The following SYTL4 variants were observed in gnomAD, a reference collection of about 807,000 sequenced individuals.
SYTL4 encodes synaptotagmin-like protein 4.
SYTL4 carries 16 observed loss-of-function variants against 52.7 expected under a neutral mutation model. That is an observed-to-expected ratio of 0.30 (90% confidence interval 0.21 to 0.46). The LOEUF is 0.46. Among genes scored for constraint, SYTL4 ranks in the 20% least tolerant of loss-of-function variants. SYTL4 has a pLI of 1.00. For missense variants in SYTL4, 423 were observed against 519.9 expected (o/e 0.81, Z 1.81); for synonymous variants, 160 against 186.6 (o/e 0.86, Z 1.16).
At chrX:100,726,519 T>A (rs939454957) in intron 2 of SYTL4, among the ~76,000 whole-genome samples, 2 of 109,516 alleles carry the variant, frequency 1.8e-5, no homozygotes, top group Non-Finnish European at 3.8e-5. Flanking sequence ...TGGTGAATCC[T>A]CTTGTTTCAA....
intron 17 of SYTL4, among the ~76,000 whole-genome samples, chrX:100,680,627 CT>C (rs758945410): frequency 1.8e-5 from 2 of 111,477 alleles, no homozygotes; most frequent in East Asian, 5.7e-4. Flanking sequence ...GTTATCCCCT[CT>C]TCTGAAAATG....
intron 17 of SYTL4, among the ~76,000 whole-genome samples, chrX:100,680,419 G>A (rs1164730791): frequency 9.0e-6 from 1 of 110,522 alleles, no homozygotes; most frequent in Non-Finnish European, 1.9e-5. Context: ...TTCAAAGAAC[G>A]TAGGCCACAC....
Position 100,690,630 on chromosome X carries a change from G to C in SYTL4, c.650C>G (p.Ser217Cys). Residue 217 changes from serine to cysteine, a missense_variant, in exon 10 of 20, where the codon TCT becomes TGT. Transcript: ENST00000372989. The part of the protein sequence containing the change: ...ADSDSTSRRD[S>C]LDKSGLFPEW... ...TGGAAAGAGGCCAGATTTATCCAGA[G>C]AGTCTCTCCTGGAGGTAGATTCAGA... 1 of 1,195,854 alleles carries C rather than the reference G, an allele frequency of 8.4e-7. No individual in the cohort carries two copies. Among genetic ancestry groups the C allele is most frequent in the South Asian group, 1.8e-5 (1 of 56,104 alleles).
In SYTL4 at chrX:100,687,223, C is replaced by T. The variant is rs1404154527; in HGVS notation, c.1028G>A (p.Ser343Asn). The T allele has an allele frequency of 1.7e-6, 2 of 1,211,212 alleles. No homozygotes were observed. Among genetic ancestry groups the T allele is most frequent in the Non-Finnish European group, 2.2e-6 (2 of 895,176 alleles). Reference sequence around the variant, plus strand: ...GAAATCACCAGCTTCACTGTAGATGCTCATCATGCTGCCGATCGTACTCTG... The same window carrying T: ...GAAATCACCAGCTTCACTGTAGATGTTCATCATGCTGCCGATCGTACTCTG... ...SSMSTIGSMM[S>N]IYSEAGDFGN... Residue 343 changes from serine (S) to asparagine (N), a missense_variant, in exon 14 of 20, where the codon AGC (serine) becomes AAC (asparagine). Ser to Asn is a conservative substitution (Grantham distance 46, BLOSUM62 1). Coordinates refer to ENST00000372989, the MANE Select transcript of SYTL4 (RefSeq NM_001370165.1).
chrX:100,698,567 A>G (rs1341184581), intron 8 of SYTL4, among the ~76,000 whole-genome samples: 2 of 112,304 alleles, frequency 1.8e-5, no homozygotes, highest in Non-Finnish European at 3.8e-5. Context: ...GAAGAAGACA[A>G]TGGAACAATG....
intron 2 of SYTL4, among the ~76,000 whole-genome samples, chrX:100,716,746 G>A (rs748348018): frequency 3.6e-5 from 4 of 110,110 alleles, no homozygotes; most frequent in Non-Finnish European, 7.6e-5. Flanking sequence ...ATATTGTGTT[G>A]GTTATTGTAT....
At chrX:100,705,534 C>T (rs1273593926) in intron 2 of SYTL4, among the ~76,000 whole-genome samples, 2 of 111,087 alleles carry the variant, frequency 1.8e-5, no homozygotes, top group Non-Finnish European at 3.8e-5. Flanking sequence ...TGAAACACTG[C>T]GCAAAAAAAT....
chrX:100,723,265 GC>G (rs1267413412), intron 2 of SYTL4, among the ~76,000 whole-genome samples: 7 of 111,633 alleles, frequency 6.3e-5, no homozygotes, highest in Non-Finnish European at 1.3e-4. Flanking sequence ...GATCGCAGGC[GC>G]GCGCCGCCAC....
chrX:100,693,579 T>C (rs1345328238), intron 8 of SYTL4, among the ~76,000 whole-genome samples: 2 of 111,895 alleles, frequency 1.8e-5, no homozygotes, highest in Non-Finnish European at 3.8e-5. Context: ...TCCTAACTAA[T>C]CCTGCTTCTT....
chrX:100,723,281 G>A (rs1345505134), intron 2 of SYTL4, among the ~76,000 whole-genome samples: 2 of 111,892 alleles, frequency 1.8e-5, no homozygotes, highest in Non-Finnish European at 3.8e-5. Context: ...CGCCACGCCT[G>A]ACTGGTTTTC....
At chrX:100,696,440 G>A (rs1322739192) in intron 8 of SYTL4, among the ~76,000 whole-genome samples, 1 of 111,484 alleles carries the variant, frequency 9.0e-6, no homozygotes, top group Non-Finnish European at 1.9e-5. Flanking sequence ...TCATTCTAAT[G>A]GGTATGTAGT....
intron 8 of SYTL4, among the ~76,000 whole-genome samples, chrX:100,691,982 G>A (rs1344330171): frequency 1.8e-5 from 2 of 111,519 alleles, no homozygotes; most frequent in African/African-American, 6.5e-5. Flanking sequence ...CCTCCTTCAA[G>A]CTTTATATTT....
chrX:100,720,091 G>A (rs757501982), intron 2 of SYTL4, among the ~76,000 whole-genome samples: 19 of 111,595 alleles, frequency 1.7e-4, no homozygotes, highest in African/African-American at 2.3e-4. Flanking sequence ...ATATTATAAA[G>A]ACCATGTGTC....
chrX:100,715,993 A>C, intron 2 of SYTL4, among the ~76,000 whole-genome samples: 1 of 108,761 alleles, frequency 9.2e-6, no homozygotes, highest in Non-Finnish European at 1.9e-5. Context: ...TAATTGTGAC[A>C]AAGGCAATGA....
chrX:100,678,823 G>A (rs1258053410), intron 18 of SYTL4: 8 of 393,506 alleles, frequency 2.0e-5, no homozygotes. Flanking sequence ...GAATATAATA[G>A]TATTAGTGAG....
chrX:100,705,387 A>C (rs1270508355), intron 2 of SYTL4, among the ~76,000 whole-genome samples: 1 of 112,010 alleles, frequency 8.9e-6, no homozygotes, highest in African/African-American at 3.2e-5. Context: ...CAGGGATTCA[A>C]GCCCAGGCAA....
chrX:100,703,913 C>G (rs2083905959), intron 3 of SYTL4, among the ~76,000 whole-genome samples: 1 of 112,223 alleles, frequency 8.9e-6, no homozygotes, highest in African/African-American at 3.2e-5. Context: ...AAGCCACTAT[C>G]ATTGGTTTCC....
intron 8 of SYTL4, among the ~76,000 whole-genome samples, chrX:100,695,010 CT>C (rs930255447): frequency 3.7e-5 from 4 of 108,284 alleles, no homozygotes; most frequent in African/African-American, 3.4e-5. Context: ...CCTTTTTCCC[CT>C]TTTGTCCCCA....
intron 19 of SYTL4, among the ~76,000 whole-genome samples, chrX:100,677,919 G>C (rs1345232009): frequency 1.8e-5 from 2 of 111,468 alleles, no homozygotes; most frequent in Admixed American, 1.9e-4. Flanking sequence ...TCATAAGATT[G>C]GAAATACCAG....
Sources: allele counts gnomAD v4.1 joint callset (sites outside exome capture counted in the v4.1 genomes callset), GRCh38; gene constraint gnomAD v4.1.1; transcripts MANE v1.5; gene names NCBI Gene and HGNC (gene_info 2026-07-23, HGNC 2026-07-21).